SRGAP1: variants seen among roughly 807,000 people sequenced by gnomAD.
SRGAP1 encodes SLIT-ROBO Rho GTPase activating protein 1, also known as SLIT-ROBO Rho GTPase-activating protein 1.
A neutral mutation model predicts 121.9 loss-of-function variants in SRGAP1; 43 were observed. The ratio of observed to expected loss-of-function variants is 0.35; its 90% CI spans 0.28 to 0.46. The LOEUF (loss-of-function observed/expected upper bound fraction) is 0.46, where lower values mean the gene tolerates loss of function less well. Among genes scored for constraint, SRGAP1 ranks in the 20% least tolerant of loss-of-function variants. SRGAP1 has a pLI of 1.00. For synonymous variants in SRGAP1, 447 were observed against 485.4 expected, an observed-to-expected ratio of 0.92 and a Z score of 1.04; for missense variants, 1,102 against 1,350.9, an observed-to-expected ratio of 0.82 and a Z score of 2.89.
intron 2 of SRGAP1, among the ~76,000 whole-genome samples, chr12:63,987,335 C>T (rs1014276599): frequency 2.6e-5 from 4 of 152,174 alleles, no homozygotes; most frequent in African/African-American, 7.2e-5. Flanking sequence ...CTTGGTTTAG[C>T]TTCCCTGGAC....
At chr12:63,881,134 A>G (rs112382269) in intron 1 of SRGAP1, among the ~76,000 whole-genome samples, 2 of 152,230 alleles carry the variant, frequency 1.3e-5, no homozygotes, top group African/African-American at 2.4e-5. Flanking sequence ...TTGAAATTCA[A>G]TGGCATTGAG....
chr12:64,071,813 T>A (rs2035641326), intron 8 of SRGAP1, among the ~76,000 whole-genome samples: 1 of 152,000 alleles, frequency 6.6e-6, no homozygotes, highest in Non-Finnish European at 1.5e-5. Flanking sequence ...TAAATGCAGG[T>A]ACATAAATTA....
At chr12:63,957,007 A>C (rs2032494368) in intron 1 of SRGAP1, among the ~76,000 whole-genome samples, 1 of 152,158 alleles carries the variant, frequency 6.6e-6, no homozygotes, top group Admixed American at 6.5e-5. Context: ...ATTTAGCATA[A>C]TATTTTGAAG....
chr12:64,086,912 A>C lies in SRGAP1; in HGVS notation c.1409-87A>C. 3 of 979,336 alleles carry C rather than the reference A, an allele frequency of 3.1e-6. No individual in the cohort carries two copies. The South Asian group carries it at 4.6e-5, about 15-fold the overall frequency. The allele number at this position is 979,336 out of a possible 1,614,324, so 60.7% of individuals were successfully genotyped here. On this transcript the variant is annotated intron_variant, in intron 10 of 21. Coordinates refer to ENST00000355086, the MANE Select transcript of SRGAP1 (RefSeq NM_020762.4). ...TAAGTTATTACAAACTCAGTGTTTT[A>C]AAATACCGGATAGGAGATACAAAAG...
chr12:64,001,910 A>G (rs1034174266), intron 3 of SRGAP1, among the ~76,000 whole-genome samples: 7 of 152,230 alleles, frequency 4.6e-5, no homozygotes, highest in African/African-American at 1.4e-4. Flanking sequence ...ATACTCCACC[A>G]TGCCTTTCCC....
At chr12:63,989,091 T>C (rs1337601387) in intron 2 of SRGAP1, among the ~76,000 whole-genome samples, 1 of 152,228 alleles carries the variant, frequency 6.6e-6, no homozygotes, top group African/African-American at 2.4e-5. Flanking sequence ...ATTATAGGCG[T>C]GAGCCACCAC....
intron 4 of SRGAP1, among the ~76,000 whole-genome samples, chr12:64,027,765 T>A (rs1408498905): frequency 1.3e-5 from 2 of 152,120 alleles, no homozygotes; most frequent in Non-Finnish European, 2.9e-5. Context: ...TCTCTTTTTT[T>A]CTGTTGTTCC....
At chr12:64,012,907 T>A (rs2034293852) in intron 3 of SRGAP1, among the ~76,000 whole-genome samples, 1 of 151,940 alleles carries the variant, frequency 6.6e-6, no homozygotes, top group Non-Finnish European at 1.5e-5. Context: ...TATTAAATAT[T>A]TTTTTTTCCT....
intron 4 of SRGAP1, chr12:64,032,366 T>C (rs1313980966): frequency 9.4e-6 from 4 of 424,076 alleles, no homozygotes; most frequent in Non-Finnish European, 1.8e-5. Flanking sequence ...AATGGTAGTA[T>C]GAGATACTTT....
intron 14 of SRGAP1, among the ~76,000 whole-genome samples, chr12:64,096,701 C>G (rs1002177737): frequency 3.3e-5 from 5 of 152,312 alleles, no homozygotes; most frequent in Middle Eastern, 3.4e-3. Flanking sequence ...GAGTCTGCCT[C>G]TGCTCAAGAC....
rs573040530 is a variant in SRGAP1, at chr12:63,997,965, C to T, written c.426+7893C>T. ...ATAGGAAAAACTAGAATAATTATTT[C>T]GACTTCAAGCAGAGCCTATCACTCT... is the stretch of plus-strand genomic sequence containing the variant. On this transcript the variant is annotated intron_variant, in intron 3 of 21. Transcript: ENST00000355086. 1.1e-4 allele frequency among the ~76,000 whole-genome samples: 16 copies of T among 152,176 alleles called. No individual in the cohort carries two copies. In the South Asian group the frequency reaches 1.2e-3, roughly 12 times the overall value.
chr12:64,055,826 G>T (rs1281833472), intron 6 of SRGAP1, among the ~76,000 whole-genome samples: 1 of 152,028 alleles, frequency 6.6e-6, no homozygotes, highest in East Asian at 1.9e-4. Flanking sequence ...CTGGACTTCT[G>T]AATGTTGGGA....
rs893069819 is a variant in SRGAP1, at chr12:64,060,212, T to C, written c.802-2705T>C. ...TCCTTTCTTTCTTTTTTTCTTTTTTTTTTTTTTCCTTTGAGACAGGGGTCC... is the reference window on the plus strand; with the variant it reads ...TCCTTTCTTTCTTTTTTTCTTTTTTCTTTTTTTCCTTTGAGACAGGGGTCC... On this transcript the variant is annotated intron_variant, in intron 6 of 21. Coordinates refer to ENST00000355086, the MANE Select transcript of SRGAP1 (RefSeq NM_020762.4). Among the ~76,000 whole-genome samples the C allele has an allele frequency of 4.0e-5, 6 of 149,384 alleles. 1 individual carries two copies. In the South Asian group the frequency reaches 6.6e-4, roughly 16 times the overall value.
At chr12:64,049,857 A>C (rs984760983) in intron 6 of SRGAP1, among the ~76,000 whole-genome samples, 1 of 152,062 alleles carries the variant, frequency 6.6e-6, no homozygotes, top group African/African-American at 2.4e-5. Context: ...TTTGCTCAGG[A>C]TGGCTTTGGC....
At chr12:63,900,184 T>TTCTTTC in intron 1 of SRGAP1, among the ~76,000 whole-genome samples, 3 of 61,452 alleles carry the variant, frequency 4.9e-5, no homozygotes, top group Non-Finnish European at 1.0e-4. Flanking sequence ...CCTTGCTTTT[T>TTCTTTC]TCTTTTTCTT....
At chr12:63,965,520 A>C (rs942132647) in intron 1 of SRGAP1, among the ~76,000 whole-genome samples, 1 of 152,138 alleles carries the variant, frequency 6.6e-6, no homozygotes, top group African/African-American at 2.4e-5. Context: ...AAAAAAATAC[A>C]GTGGGCTGGG....
At chr12:63,967,014 C>A (rs2032808462) in intron 1 of SRGAP1, among the ~76,000 whole-genome samples, 1 of 152,182 alleles carries the variant, frequency 6.6e-6, no homozygotes, top group Non-Finnish European at 1.5e-5. Context: ...GATAGGTTGG[C>A]TTTATCCTGT....
chr12:63,983,911 A>G (rs759224827), intron 1 of SRGAP1, 36 bp from the exon 2 acceptor site: 2 of 1,232,528 alleles, frequency 1.6e-6, no homozygotes, highest in Non-Finnish European at 2.1e-6. Context: ...CATTAATTTT[A>G]ATGTAACCAT....
chr12:63,890,171 C>T (rs574124750), intron 1 of SRGAP1, among the ~76,000 whole-genome samples: 1 of 152,158 alleles, frequency 6.6e-6, no homozygotes, highest in Non-Finnish European at 1.5e-5. Context: ...TTATTCTTAG[C>T]TCACACCTCT....
Sources: gnomAD v4.1 joint callset for allele counts (sites outside exome capture counted in the v4.1 genomes callset) on GRCh38, gnomAD v4.1.1 for gene constraint, MANE v1.5 for transcripts, NCBI Gene and HGNC (gene_info 2026-07-23, HGNC 2026-07-21) for gene names.